The following FMO5 variants were observed in gnomAD, a reference collection of about 807,000 sequenced individuals.
FMO5 encodes flavin containing dimethylaniline monoxygenase 5, also known as flavin-containing monooxygenase 5.
A neutral mutation model predicts 43.6 loss-of-function variants in FMO5; 51 were observed. The observed-to-expected ratio is 1.17, with a 90% CI of 0.93 to 1.48. FMO5 has a LOEUF of 1.48. Among genes scored for constraint, FMO5 ranks in the 40% most tolerant of loss-of-function variants. The pLI, the probability that FMO5 is intolerant of heterozygous loss-of-function variation, is 0.00. For missense variants in FMO5, 644 were observed against 643.0 expected (o/e 1.00, Z -0.02); for synonymous variants, 187 against 216.5 (o/e 0.86, Z 1.20).
chr1:147,194,927 G>A (rs12562309), intron 7 of FMO5, among the ~76,000 whole-genome samples: 1 of 151,644 alleles, frequency 6.6e-6, no homozygotes, highest in Non-Finnish European at 1.5e-5. Flanking sequence ...CTTTCTCTCT[G>A]GCTGCCCTTA....
intron 7 of FMO5, among the ~76,000 whole-genome samples, chr1:147,193,091 C>A (rs1165590594): frequency 6.6e-6 from 1 of 152,124 alleles, no homozygotes; most frequent in African/African-American, 2.4e-5. Flanking sequence ...ATGGTACCAG[C>A]TCCTCTTTGT....
chr1:147,204,736 G>A, intron 6 of FMO5: 1 of 1,512,508 alleles, frequency 6.6e-7, no homozygotes, highest in Non-Finnish European at 9.2e-7. Flanking sequence ...TGCATCATTT[G>A]TCACAAACAA....
chr1:147,186,415 GAA>G lies in FMO5; in HGVS notation c.*483_*484del. 1 of 906,618 alleles carries G rather than the reference GAA, an allele frequency of 1.1e-6. No individual in the cohort carries two copies. Among genetic ancestry groups the G allele is most frequent in the African/African-American group, 1.8e-5 (1 of 55,622 alleles). 56.2% of individuals were successfully genotyped at this position (906,618 alleles called of 1,614,324 possible). A position where few individuals can be genotyped will look rare whatever the true frequency, so the allele number is the denominator to read the frequency against. ...TCTTAGATACATACAACTATTGTAG[GAA>G]CATTATTTCTCTTATCTCTCAGGAA... On this transcript the variant is annotated 3_prime_UTR_variant, in exon 9 of 9. Coordinates refer to ENST00000254090, the MANE Select transcript of FMO5 (RefSeq NM_001461.4).
At chr1:147,204,855 T>C (rs1238496856) in intron 6 of FMO5, 31 of 1,601,708 alleles carry the variant, frequency 1.9e-5, no homozygotes, top group Non-Finnish European at 2.6e-5. Context: ...ACACAGCCTC[T>C]TCTAATTCTG....
At chr1:147,201,565 A>C in intron 6 of FMO5, 61 bp from the exon 7 acceptor site, 1 of 1,389,730 alleles carries the variant, frequency 7.2e-7, no homozygotes, top group African/African-American at 1.4e-5. Flanking sequence ...GTACCACATA[A>C]GTAAAATTTT....
chr1:147,220,282 G>A (rs1662781519), intron 2 of FMO5, among the ~76,000 whole-genome samples: 1 of 152,200 alleles, frequency 6.6e-6, no homozygotes, highest in Admixed American at 6.5e-5. Flanking sequence ...AGAAAACACA[G>A]ATGAAGAAAG....
In FMO5 at chr1:147,218,416, T is replaced by G. The variant is rs141799477; in HGVS notation, c.136-2474A>C. On this transcript the variant is annotated intron_variant, in intron 2 of 8. Coordinates refer to ENST00000254090, the MANE Select transcript of FMO5 (RefSeq NM_001461.4). ...ATGCCTGGCTAATTTTTTTTGTGTT[T>G]TTAGTAGAGACGGGTTTCACCATGT... Among the ~76,000 whole-genome samples, 876 of 100,904 alleles carry G rather than the reference T, an allele frequency of 8.7e-3. 8 individuals carry two copies. The highest frequency in any genetic ancestry group is 0.045 in the African/African-American group (781 of 17,538). The allele number at this position is 100,904 out of a possible 152,430, so 66.2% of individuals were successfully genotyped here. A position where few individuals can be genotyped will look rare whatever the true frequency, so the allele number is the denominator to read the frequency against.
intron 5 of FMO5, 103 bp downstream of exon 5, chr1:147,212,290 C>A: frequency 8.4e-7 from 1 of 1,196,700 alleles, no homozygotes; most frequent in Non-Finnish European, 1.2e-6. Context: ...CACTGAAGGG[C>A]TATGTGCAGG....
At chr1:147,209,109 C>A in intron 5 of FMO5, 58 bp from the exon 6 acceptor site, 1 of 1,466,634 alleles carries the variant, frequency 6.8e-7, no homozygotes, top group Non-Finnish European at 9.4e-7. Context: ...CCTTCAAAAG[C>A]ACCCCCATTT....
At chr1:147,203,709 CAAGACGTTTATCCCTTGT>C in intron 6 of FMO5, 1 of 1,515,674 alleles carries the variant, frequency 6.6e-7, no homozygotes, top group African/African-American at 1.4e-5. Context: ...CCTCTGGGTA[CAAGACGTTTATCCCTTGT>C]AAGAACTTTG....
rs961562235 is a variant in FMO5, at chr1:147,187,236, C to G, written c.1266G>C (p.Glu422Asp). ...CTCCCTGAATGGTATGGCGTTGGCT[C>G]TCCACATACCTAAAGTAGAAAAGAC... is the stretch of plus-strand genomic sequence containing the variant. Reference protein sequence around the residue: ...AQEEIDKRYVESQRHTIQGDY... With the variant: ...AQEEIDKRYVDSQRHTIQGDY... The change falls in exon 9 of 9, where the codon GAG (glutamate) becomes GAC (aspartate). Residue 422 changes from glutamate (E) to aspartate (D), a missense_variant. Glu to Asp is a conservative substitution (Grantham distance 45). Transcript: ENST00000254090. 1 of 1,594,726 alleles carries G rather than the reference C, an allele frequency of 6.3e-7. No individual in the cohort carries two copies. The highest frequency in any genetic ancestry group is 8.5e-7 in the Non-Finnish European group (1 of 1,171,630).
In FMO5 at chr1:147,187,118, G is replaced by A; in HGVS notation, c.1384C>T (p.His462Tyr). 1.2e-6 allele frequency: 2 copies of A among 1,614,102 alleles called. No individual in the cohort carries two copies. Among genetic ancestry groups the A allele is most frequent in the Non-Finnish European group, 1.7e-6 (2 of 1,180,014 alleles). The change falls in exon 9 of 9, where the codon CAC (histidine) becomes TAC (tyrosine). Residue 462 changes from histidine (H) to tyrosine (Y), a missense_variant. By Grantham distance (83) the His-to-Tyr change is moderately conservative. Coordinates refer to ENST00000254090, the MANE Select transcript of FMO5 (RefSeq NM_001461.4). Reference protein sequence around the residue: ...LAFTDPKLALHLLLGPCTPIH... With the variant: ...LAFTDPKLALYLLLGPCTPIH... Reference sequence around the variant, plus strand: ...GGAGTGCAGGGTCCCAGTAATAAGTGTAATGCCAGCTTGGGGTCAGTGAAG... The same window carrying A: ...GGAGTGCAGGGTCCCAGTAATAAGTATAATGCCAGCTTGGGGTCAGTGAAG...
At chr1:147,198,872 A>AAAAAAAAAAAAAAAG (rs1553920319) in intron 7 of FMO5, among the ~76,000 whole-genome samples, 2 of 144,684 alleles carry the variant, frequency 1.4e-5, no homozygotes, top group African/African-American at 2.6e-5. Context: ...AAAAAAAAAA[A>AAAAAAAAAAAAAAAG]AAAGAAAGAA....
At position 147,191,679 on chromosome 1, in the gene FMO5, A is replaced by AT. The variant is rs1429872731; in HGVS notation, c.1184-1431dup. Among the ~76,000 whole-genome samples, 409 of 149,046 alleles carry AT rather than the reference A, an allele frequency of 2.7e-3. 12 individuals carry two copies. Among genetic ancestry groups the AT allele is most frequent in the African/African-American group, 8.7e-3 (347 of 40,000 alleles). ...AGTTTCTTTAGTCCATCTTGAATTG[A>AT]TTTTTGTATAAGGTGTAAGGAAGGG... On this transcript the variant is annotated intron_variant, in intron 7 of 8. Coordinates refer to ENST00000254090, the MANE Select transcript of FMO5 (RefSeq NM_001461.4).
At chr1:147,221,491 A>G (rs1312160960) in intron 2 of FMO5, among the ~76,000 whole-genome samples, 1 of 152,238 alleles carries the variant, frequency 6.6e-6, no homozygotes, top group East Asian at 1.9e-4. Flanking sequence ...AAGGTAAATT[A>G]ATGAATGGCA....
chr1:147,205,210 C>G (rs1399548497), intron 6 of FMO5, among the ~76,000 whole-genome samples: 2 of 152,178 alleles, frequency 1.3e-5, no homozygotes, highest in African/African-American at 4.8e-5. Context: ...CCACCAAAAA[C>G]ATGCATGCTA....
chr1:147,221,263 C>G (rs1467743414), intron 2 of FMO5, among the ~76,000 whole-genome samples: 2 of 152,122 alleles, frequency 1.3e-5, no homozygotes, highest in African/African-American at 2.4e-5. Flanking sequence ...CTGAGTAAAT[C>G]TGAATAAAGT....
At position 147,201,372 on chromosome 1, in the gene FMO5, A is replaced by T. The variant is rs781783469; in HGVS notation, c.963T>A (p.Asp321Glu). ...AAIFEDGSRE[D>E]DIDAVIFATG... is the part of the protein sequence containing the mutation. The stretch of plus-strand genomic sequence containing the variant: ...TGGCAAAGATAACAGCATCAATGTC[A>T]TCCTCCCTGGAGCCATCCTCAAATA... Residue 321 changes from aspartate to glutamate, a missense_variant, in exon 7 of 9, where the codon GAT becomes GAA. Physicochemically the swap from Asp to Glu is conservative, Grantham distance 45. Coordinates refer to ENST00000254090, the MANE Select transcript of FMO5 (RefSeq NM_001461.4). 12 of 1,614,188 alleles carry T rather than the reference A, an allele frequency of 7.4e-6. No homozygotes were observed. Among genetic ancestry groups the T allele is most frequent in the Non-Finnish European group, 1.0e-5 (12 of 1,180,006 alleles).
chr1:147,209,044 A>G lies in FMO5; in HGVS notation c.638T>C (p.Leu213Pro). The part of the protein sequence containing the change: ...EISQTAKQVF[L>P]STRRGAWILN... ...GATCCAAGCCCCTCTCCTGGTGCTG[A>G]GGAAAACCTGGGGCATGGAAGAAAT... The change falls in exon 6 of 9, where the codon CTC (leucine) becomes CCC (proline). Residue 213 changes from leucine (L) to proline (P), a missense_variant. By Grantham distance (98) the Leu-to-Pro change is moderately conservative. Transcript: ENST00000254090. The G allele has an allele frequency of 6.2e-7, 1 of 1,613,460 alleles. No individual in the cohort carries two copies. The highest frequency in any genetic ancestry group is 8.5e-7 in the Non-Finnish European group (1 of 1,179,626).
Sources: gnomAD v4.1 joint callset for allele counts (sites outside exome capture counted in the v4.1 genomes callset) on GRCh38, gnomAD v4.1.1 for gene constraint, MANE v1.5 for transcripts, NCBI Gene and HGNC (gene_info 2026-07-23, HGNC 2026-07-21) for gene names.